SCN10A: variants seen among roughly 807,000 people sequenced by gnomAD.
SCN10A encodes sodium voltage-gated channel alpha subunit 10.
A neutral mutation model predicts 170.7 loss-of-function variants in SCN10A; 162 were observed. The observed-to-expected ratio is 0.95, with a 90% CI of 0.84 to 1.08. The LOEUF (loss-of-function observed/expected upper bound fraction) is 1.08, where lower values mean the gene tolerates loss of function less well. Ranked by LOEUF, SCN10A falls within the 50% of genes least tolerant of loss-of-function variation. The pLI, the probability that SCN10A is intolerant of heterozygous loss-of-function variation, is 0.00. For missense variants in SCN10A, 2,527 were observed against 2,436.9 expected (o/e 1.04, Z -0.78); for synonymous variants, 985 against 904.6 (o/e 1.09, Z -1.59).
rs116747483 is a variant in SCN10A, at chr3:38,763,383, T to C, written c.691+122A>G. ...ATGTTTCCTATACTCCAGGCCTCAGTTCCTTTGTCTTGTAAGTGGGGACAA... is the reference window on the plus strand; with the variant it reads ...ATGTTTCCTATACTCCAGGCCTCAGCTCCTTTGTCTTGTAAGTGGGGACAA... On this transcript the variant is annotated intron_variant, in intron 6 of 27. Transcript: ENST00000449082. The C allele has an allele frequency of 7.9e-3, 6,137 of 778,412 alleles. 54 individuals are homozygous for C. Among genetic ancestry groups the C allele is most frequent in the Non-Finnish European group, 0.012 (5,411 of 449,642 alleles). 48.2% of individuals were successfully genotyped at this position (778,412 alleles called of 1,614,324 possible). A position where few individuals can be genotyped will look rare whatever the true frequency, so the allele number is the denominator to read the frequency against.
At chr3:38,735,800 T>C (rs1456529924) in intron 15 of SCN10A, among the ~76,000 whole-genome samples, 1 of 152,230 alleles carries the variant, frequency 6.6e-6, no homozygotes, top group Non-Finnish European at 1.5e-5. Flanking sequence ...ACAGACTTTT[T>C]ATTTCTTCCT....
rs1209864756 is a variant in SCN10A, at chr3:38,725,222, G to A, written c.3180C>T (p.Ser1060=). 2 of 1,606,358 alleles carry A rather than the reference G, an allele frequency of 1.2e-6. No homozygotes were observed. Among genetic ancestry groups the A allele is most frequent in the Non-Finnish European group, 1.7e-6 (2 of 1,174,542 alleles). ...ACTCATCTTTCCACGTCTCACCCAG[G>A]GATGGAGCCAGGTCCTCAGAAGATG... is the stretch of plus-strand genomic sequence containing the variant. ...TGTSSEDLAP[S]LGETWKDESV... The change falls in exon 18 of 28, where the codon TCC becomes TCT. Residue 1060 remains serine (S), a synonymous_variant. Transcript: ENST00000449082.
intron 4 of SCN10A, among the ~76,000 whole-genome samples, chr3:38,773,772 C>T (rs1236826119): frequency 6.6e-6 from 1 of 152,122 alleles, no homozygotes; most frequent in Non-Finnish European, 1.5e-5. Flanking sequence ...GATGATCTAA[C>T]TGAAGATTAC....
At chr3:38,757,779 T>G (rs551106826) in intron 8 of SCN10A, among the ~76,000 whole-genome samples, 1 of 152,292 alleles carries the variant, frequency 6.6e-6, no homozygotes, top group African/African-American at 2.4e-5. Context: ...AGCCCAATAC[T>G]TGAGTCAGCC....
At chr3:38,811,923 C>T (rs1055020092) in intron 1 of SCN10A, among the ~76,000 whole-genome samples, 3 of 152,158 alleles carry the variant, frequency 2.0e-5, no homozygotes, top group Non-Finnish European at 2.9e-5. Context: ...ACTGAACCAG[C>T]GGGCCAACCA....
intron 4 of SCN10A, among the ~76,000 whole-genome samples, chr3:38,771,770 C>T (rs2064003276): frequency 6.6e-6 from 1 of 152,160 alleles, no homozygotes; most frequent in Non-Finnish European, 1.5e-5. Flanking sequence ...TAAAAACTCC[C>T]AGTTTTTAGA....
chr3:38,750,005 T>A, intron 13 of SCN10A, 68 bp downstream of exon 13: 1 of 849,314 alleles, frequency 1.2e-6, no homozygotes, highest in Non-Finnish European at 2.0e-6. Flanking sequence ...TTAGAGACAT[T>A]GCTTCTGCTG....
chr3:38,776,303 T>C (rs539179209), intron 4 of SCN10A, among the ~76,000 whole-genome samples: 143 of 152,234 alleles, frequency 9.4e-4, no homozygotes, highest in Non-Finnish European at 1.7e-3. Flanking sequence ...ATTACTTACA[T>C]TGTGACCTTA....
rs2063999099 is a variant in SCN10A at position 38,771,421 on chromosome 3, T to C, written c.471-14A>G. 1 of 1,612,450 alleles carries C rather than the reference T, an allele frequency of 6.2e-7. No homozygotes were observed. The highest frequency in any genetic ancestry group is 8.5e-7 in the Non-Finnish European group (1 of 1,179,290). ...GTGAAGACATATCTGGGAAGGAGGG[T>C]AGAAAAGGAGTGTCAACTGTGCCAT... is the stretch of plus-strand genomic sequence containing the variant. On this transcript the variant is annotated splice_polypyrimidine_tract_variant and intron_variant, in intron 4 of 27. Transcript: ENST00000449082.
chr3:38,697,877 A>T lies in SCN10A; in HGVS notation c.5343T>A (p.Asn1781Lys). ...LSGPLRIPKP[N>K]RNILIQMDLP... ...GGTCCATCTGGATCAGTATATTTCG[A>T]TTGGGTTTTGGGATTCTCAGGGGAC... The change falls in exon 28 of 28, where the codon AAT (asparagine) becomes AAA (lysine). Residue 1781 changes from asparagine to lysine, a missense_variant. Physicochemically the swap from Asn to Lys is moderately conservative, Grantham distance 94 (BLOSUM62 0). Coordinates refer to ENST00000449082, the MANE Select transcript of SCN10A (RefSeq NM_006514.4). 6.2e-7 allele frequency: 1 copy of T among 1,613,956 alleles called. No individual in the cohort carries two copies. Among genetic ancestry groups the T allele is most frequent in the South Asian group, 1.1e-5 (1 of 91,066 alleles).
intron 27 of SCN10A, among the ~76,000 whole-genome samples, chr3:38,700,170 G>A (rs1346500506): frequency 6.6e-6 from 1 of 152,174 alleles, no homozygotes; most frequent in South Asian, 2.1e-4. Context: ...ATTATGCTAA[G>A]TGAGATAAGC....
chr3:38,795,891 T>C (rs1048480738), intron 1 of SCN10A, among the ~76,000 whole-genome samples: 1 of 152,174 alleles, frequency 6.6e-6, no homozygotes, highest in Non-Finnish European at 1.5e-5. Flanking sequence ...ATAAATAAGA[T>C]ACCAGAGCAG....
intron 5 of SCN10A, among the ~76,000 whole-genome samples, chr3:38,765,425 C>T (rs1431848908): frequency 6.6e-6 from 1 of 152,168 alleles, no homozygotes. Context: ...CTTTCTTCCA[C>T]ATGTGGCTTG....
intron 6 of SCN10A, 59 bp from the exon 7 acceptor site, chr3:38,761,442 T>G: frequency 2.8e-6 from 4 of 1,445,340 alleles, no homozygotes; most frequent in Non-Finnish European, 3.8e-6. Flanking sequence ...CGGAGCACAC[T>G]TCTTCATCTT....
At chr3:38,726,574 G>C in intron 17 of SCN10A, 32 bp downstream of exon 17, 1 of 1,527,670 alleles carries the variant, frequency 6.5e-7, no homozygotes, top group Non-Finnish European at 8.9e-7. Context: ...CCTCCCCACT[G>C]CCTGTGGCTG....
At chr3:38,709,069 T>G (rs1331468810) in intron 25 of SCN10A, among the ~76,000 whole-genome samples, 1 of 152,084 alleles carries the variant, frequency 6.6e-6, no homozygotes, top group Non-Finnish European at 1.5e-5. Flanking sequence ...CCAAGGAGGG[T>G]TGGGATTCTG....
chr3:38,755,976 CA>C lies in SCN10A; in HGVS notation c.1291-19del. On this transcript the variant is annotated intron_variant, in intron 10 of 27. Coordinates refer to ENST00000449082, the MANE Select transcript of SCN10A (RefSeq NM_006514.4). ...GCTAGCACCTGCGAAGAGAGAACAG[CA>C]GGTGTAGCCAATAGTATTTGCTTGG... 1 of 1,613,998 alleles carries C rather than the reference CA, an allele frequency of 6.2e-7. No homozygotes were observed. The highest frequency in any genetic ancestry group is 1.7e-5 in the Admixed American group (1 of 60,028).
At chr3:38,705,547 ATGCCT>A (rs1305623678) in intron 26 of SCN10A, among the ~76,000 whole-genome samples, 2 of 152,202 alleles carry the variant, frequency 1.3e-5, no homozygotes, top group African/African-American at 4.8e-5. Context: ...CATTAGGGTC[ATGCCT>A]TTGTAGGTAG....
chr3:38,810,359 C>T lies in SCN10A; in HGVS notation c.-33+5678G>A, dbSNP rs150465562. 3.8e-3 allele frequency among the ~76,000 whole-genome samples: 581 copies of T among 152,248 alleles called. 6 individuals carry two copies. Among genetic ancestry groups the T allele is most frequent in the African/African-American group, 0.013 (538 of 41,538 alleles). The stretch of plus-strand genomic sequence containing the variant: ...GTTTATTCCAGGGAAGCAAAGGATA[C>T]GCAGGAAATTCAGTGTTGCTGTGCA... On this transcript the variant is annotated intron_variant, in intron 1 of 27. Transcript: ENST00000449082.
Sources: gnomAD v4.1 joint callset for allele counts (sites outside exome capture counted in the v4.1 genomes callset) on GRCh38, gnomAD v4.1.1 for gene constraint, MANE v1.5 for transcripts, NCBI Gene and HGNC (gene_info 2026-07-23, HGNC 2026-07-21) for gene names.